The following PRH1 variants were observed in gnomAD, a reference collection of about 807,000 sequenced individuals.
The protein encoded by PRH1 is salivary acidic proline-rich phosphoprotein 1/2.
A neutral mutation model predicts 7.9 loss-of-function variants in PRH1; 7 were observed. The observed-to-expected ratio is 0.89, with a 90% confidence interval of 0.50 to 1.67. The LOEUF (loss-of-function observed/expected upper bound fraction) is 1.67, where lower values mean the gene tolerates loss of function less well. Among genes scored for constraint, PRH1 ranks in the 40% most tolerant of loss-of-function variants. The pLI is 0.00. For synonymous variants in PRH1, 45 were observed against 80.8 expected, an observed-to-expected ratio of 0.56 and a Z score of 2.38; for missense variants, 109 against 223.6, an observed-to-expected ratio of 0.49 and a Z score of 3.27.
At position 11,055,891 on chromosome 12, in the gene PRH1, T is replaced by C. The variant is rs544550820; in HGVS notation, n.124-8703A>G. On this transcript the variant is annotated intron_variant and non_coding_transcript_variant, in intron 1 of 4. Transcript: ENST00000541977. ...AGATTTAGTGAGTCCTAACTTTTCC[T>C]ACCAAAAGCATCCAAGGTTTTCTTG... Among the ~76,000 whole-genome samples the C allele has an allele frequency of 2.9e-4, 44 of 152,350 alleles. 1 individual carries two copies. The South Asian group carries it at 8.9e-3, about 31-fold the overall frequency.
chr12:11,118,993 C>CAA (rs3983928), downstream of PRH1, among the ~76,000 whole-genome samples: 21 of 75,588 alleles, frequency 2.8e-4, no homozygotes, highest in African/African-American at 1.0e-3. Flanking sequence ...GACTCCATCT[C>CAA]AAAAAAAAAA....
At chr12:11,098,394 T>TA (rs1423139709) in intron 1 of PRH1, among the ~76,000 whole-genome samples, 1 of 152,050 alleles carries the variant, frequency 6.6e-6, no homozygotes. Flanking sequence ...CAACTCAAAT[T>TA]AACTCATTCA....
At chr12:11,140,971 C>T (rs1946685125) in intron 1 of PRH1, among the ~76,000 whole-genome samples, 1 of 151,920 alleles carries the variant, frequency 6.6e-6, no homozygotes, top group Non-Finnish European at 1.5e-5. Context: ...CTCAAAAAGG[C>T]CAATAGTCCT....
At position 10,978,900 on chromosome 12, in the gene PRH1, AAAACAAAC is replaced by A. The variant is rs138083935; in HGVS notation, c.-125-5187_-125-5180del. Among the ~76,000 whole-genome samples the A allele has an allele frequency of 8.5e-3, 1,287 of 151,212 alleles. 8 individuals carry two copies. Among genetic ancestry groups the A allele is most frequent in the Middle Eastern group, 0.017 (5 of 292 alleles). On this transcript the variant is annotated intron_variant, in intron 1 of 3. Transcript: ENST00000539853. ...TCACACCCCTCAGAATGCCTATTAC[AAAACAAAC>A]AAACAAACAAACAAACAAACAAAAA... is the stretch of plus-strand genomic sequence containing the variant.
chr12:11,032,827 G>A (rs370339373), intron 1 of PRH1, among the ~76,000 whole-genome samples: 2 of 152,112 alleles, frequency 1.3e-5, no homozygotes, highest in African/African-American at 4.8e-5. Context: ...CCTGAACTTG[G>A]AGTTCAATCA....
At chr12:11,099,025 T>A (rs2597976) in intron 1 of PRH1, among the ~76,000 whole-genome samples, 3 of 152,124 alleles carry the variant, frequency 2.0e-5, no homozygotes, top group African/African-American at 4.8e-5. Flanking sequence ...TTCTCTCAAG[T>A]CTAATGTTTA....
chr12:11,133,636 A>G, intron 1 of PRH1: 1 of 1,614,284 alleles, frequency 6.2e-7, no homozygotes, highest in East Asian at 2.2e-5. Flanking sequence ...TGAGATGTTT[A>G]CACAGAGAAC....
At chr12:11,031,389 GT>G (rs1248451253) in intron 1 of PRH1, 1 of 1,581,758 alleles carries the variant, frequency 6.3e-7, no homozygotes, top group Non-Finnish European at 8.6e-7. Context: ...TCCGGAGTTG[GT>G]TCCTGCAGGT....
At chr12:11,105,857 TC>T (rs1945393734) in intron 1 of PRH1, among the ~76,000 whole-genome samples, 1 of 152,192 alleles carries the variant, frequency 6.6e-6, no homozygotes, top group African/African-American at 2.4e-5. Context: ...CCAAAAGGAT[TC>T]AAGTTTTTCT....
chr12:11,082,323 A>T (rs1944524879), intron 1 of PRH1, among the ~76,000 whole-genome samples: 1 of 113,496 alleles, frequency 8.8e-6, no homozygotes. Context: ...TTTTTTTTCG[A>T]GATGGAAATT....
intron 1 of PRH1, among the ~76,000 whole-genome samples, chr12:11,165,595 G>C (rs945931505): frequency 6.6e-6 from 1 of 151,942 alleles, no homozygotes; most frequent in Admixed American, 6.6e-5. Flanking sequence ...CAACCTCTGG[G>C]CCATTATTTT....
At chr12:11,154,543 C>G (rs555053790) in intron 1 of PRH1, among the ~76,000 whole-genome samples, 1 of 152,128 alleles carries the variant, frequency 6.6e-6, no homozygotes, top group Non-Finnish European at 1.5e-5. Context: ...TTCCTCTGAG[C>G]TCTAGGGGAG....
rs184744043 is a variant in PRH1, at chr12:10,989,099, C to T, written c.-125-15378G>A. On this transcript the variant is annotated intron_variant, in intron 1 of 3. Transcript: ENST00000539853. Reference sequence around the variant, plus strand: ...CTGGGATTACAGGCGTGAGCCACCGCGCCTGGCCTTGATTTTCTTTATACA... The same window carrying T: ...CTGGGATTACAGGCGTGAGCCACCGTGCCTGGCCTTGATTTTCTTTATACA... Among the ~76,000 whole-genome samples the T allele has an allele frequency of 2.7e-4, 41 of 152,282 alleles. 1 individual carries two copies. Among genetic ancestry groups the T allele is most frequent in the African/African-American group, 8.7e-4 (36 of 41,538 alleles).
chr12:11,087,314 G>A (rs1944740186), intron 1 of PRH1, among the ~76,000 whole-genome samples: 2 of 116,674 alleles, frequency 1.7e-5, no homozygotes, highest in South Asian at 4.6e-4. Flanking sequence ...GTTGCAAAGG[G>A]AACTCCTGCT....
intron 1 of PRH1, chr12:11,171,170 G>A (rs921872415): frequency 2.5e-6 from 1 of 396,770 alleles, no homozygotes. Context: ...AGACAGGAAG[G>A]GGCGGAGCGC....
chr12:11,069,140 A>C (rs1219024768), intron 1 of PRH1, among the ~76,000 whole-genome samples: 61,693 of 127,862 alleles, frequency 0.48, 13,658 homozygotes, highest in Non-Finnish European at 0.56. Context: ...TTGGTCTCCA[A>C]TAATTGTGCT....
intron 2 of PRH1, chr12:10,908,664 A>G: frequency 6.2e-7 from 1 of 1,613,940 alleles, no homozygotes; most frequent in Non-Finnish European, 8.5e-7. Context: ...ATTGAGTTGC[A>G]TTTTCTGGAG....
chr12:10,983,002 A>T (rs1450350210), intron 1 of PRH1, among the ~76,000 whole-genome samples: 2 of 152,198 alleles, frequency 1.3e-5, no homozygotes, highest in Non-Finnish European at 2.9e-5. Flanking sequence ...GCTTGTCTCA[A>T]GTCAAACCCG....
intron 1 of PRH1, among the ~76,000 whole-genome samples, chr12:11,055,724 C>A (rs796402927): frequency 1.4e-3 from 167 of 117,728 alleles, no homozygotes; most frequent in South Asian, 3.7e-3. Flanking sequence ...TTTAACCTCT[C>A]TATAATTTGT....
Sources: gnomAD v4.1 joint callset for allele counts (sites outside exome capture counted in the v4.1 genomes callset) on GRCh38, gnomAD v4.1.1 for gene constraint, MANE v1.5 for transcripts, NCBI Gene and HGNC (gene_info 2026-07-23, HGNC 2026-07-21) for gene names.